The following APOLD1 variants were observed in gnomAD, a reference collection of about 807,000 sequenced individuals.
APOLD1 encodes apolipoprotein L domain-containing protein 1.
In APOLD1, 22 loss-of-function variants were observed where a neutral mutation model predicts 15.3. The observed-to-expected ratio is 1.44, with a 90% confidence interval of 1.03 to 2.05. The LOEUF (loss-of-function observed/expected upper bound fraction) is 2.05, where lower values mean the gene tolerates loss of function less well. APOLD1 is among the 30% of genes most tolerant of loss of function. The pLI is 0.00. For synonymous variants in APOLD1, 190 were observed against 167.4 expected, an observed-to-expected ratio of 1.13 and a Z score of -1.04; for missense variants, 394 against 353.5, an observed-to-expected ratio of 1.11 and a Z score of -0.92.
At chr12:12,776,523 C>G (rs1565436538) in intron 1 of APOLD1, among the ~76,000 whole-genome samples, 1 of 152,142 alleles carries the variant, frequency 6.6e-6, no homozygotes, top group Non-Finnish European at 1.5e-5. Context: ...GTAATAGGGC[C>G]CATGGGGCAA....
At chr12:12,739,643 CTATTT>C (rs1946717034) in intron 1 of APOLD1, among the ~76,000 whole-genome samples, 1 of 151,986 alleles carries the variant, frequency 6.6e-6, no homozygotes, top group Admixed American at 6.6e-5. Flanking sequence ...TGAGTAATGG[CTATTT>C]TTTTCCTAGT....
chr12:12,764,736 CACCTTT>C, intron 1 of APOLD1: 1 of 503,030 alleles, frequency 2.0e-6, no homozygotes, highest in Non-Finnish European at 4.2e-6. Context: ...GCCACTCATA[CACCTTT>C]ATGTGCATCT....
chr12:12,774,920 G>A (rs943391437), intron 1 of APOLD1, among the ~76,000 whole-genome samples: 4 of 152,296 alleles, frequency 2.6e-5, no homozygotes, highest in East Asian at 3.9e-4. Flanking sequence ...ACATACTCTC[G>A]TCATAAGATC....
At position 12,787,774 on chromosome 12, in the gene APOLD1, A is replaced by G; in HGVS notation, c.*122A>G. The G allele has an allele frequency of 6.9e-7, 1 of 1,441,482 alleles. No individual in the cohort carries two copies. The highest frequency in any genetic ancestry group is 9.2e-7 in the Non-Finnish European group (1 of 1,086,342). The allele number at this position is 1,441,482 out of a possible 1,614,324, so 89.3% of individuals were successfully genotyped here. ...GGAGCCGAAGGCAAAGGATGAGAAAAACTGTTTTTGAAGTGGGCAGGTCCC... is the reference window on the plus strand; with the variant it reads ...GGAGCCGAAGGCAAAGGATGAGAAAGACTGTTTTTGAAGTGGGCAGGTCCC... On this transcript the variant is annotated 3_prime_UTR_variant, in exon 2 of 2. Transcript: ENST00000356591. The surrounding 1 kb of genome is among the most constrained non-coding windows in gnomAD (Gnocchi z 4.9).
intron 1 of APOLD1, among the ~76,000 whole-genome samples, chr12:12,775,053 T>C (rs1223190365): frequency 3.3e-5 from 5 of 152,224 alleles, no homozygotes; most frequent in African/African-American, 1.2e-4. Context: ...GCAACCAAGA[T>C]GTTCTTCAGT....
chr12:12,787,601 T>C lies in APOLD1; in HGVS notation c.696T>C (p.Arg232=), dbSNP rs1947143878. Residue 232 remains arginine (R), a synonymous_variant, in exon 2 of 2, where the codon CGT becomes CGC. Coordinates refer to ENST00000356591, the MANE Select transcript of APOLD1 (RefSeq NM_030817.3). The surrounding 1 kb of genome is among the most constrained non-coding windows in gnomAD (Gnocchi z 4.9). ...TTCAGCTCTGCACCAAGTCCAGTCG[T>C]GGCCACGACCTCAAGATCTCTGCTG... is the stretch of plus-strand genomic sequence containing the variant. ...SRVQLCTKSS[R]GHDLKISADQ... The C allele has an allele frequency of 1.9e-6, 3 of 1,610,964 alleles. No homozygotes were observed. The highest frequency in any genetic ancestry group is 1.3e-5 in the African/African-American group (1 of 75,060).
upstream of APOLD1, among the ~76,000 whole-genome samples, chr12:12,781,413 G>A (rs1368042588): frequency 1.3e-5 from 2 of 152,050 alleles, no homozygotes; most frequent in Non-Finnish European, 2.9e-5. Flanking sequence ...CATTGCCTAG[G>A]CAACAAGAGC....
intron 1 of APOLD1, among the ~76,000 whole-genome samples, chr12:12,739,837 GAC>G (rs1415716729): frequency 4.6e-5 from 6 of 129,370 alleles, no homozygotes; most frequent in Admixed American, 1.7e-4. Flanking sequence ...TTTTTTTTGA[GAC>G]AGAGTCTCAC....
chr12:12,783,197 C>T (rs10845629), upstream of APOLD1, among the ~76,000 whole-genome samples: 87,679 of 151,888 alleles, frequency 0.58, 25,825 homozygotes, highest in East Asian at 0.72. Context: ...CAGACTGAGA[C>T]GCCGTCTCAA....
chr12:12,755,824 G>A (rs1368525726), intron 1 of APOLD1, among the ~76,000 whole-genome samples: 7 of 152,262 alleles, frequency 4.6e-5, no homozygotes, highest in African/African-American at 1.7e-4. Context: ...CAGGGCAAAA[G>A]AGTGAGACTC....
chr12:12,726,705 C>G (rs1946595998), intron 1 of APOLD1, among the ~76,000 whole-genome samples: 1 of 152,182 alleles, frequency 6.6e-6, no homozygotes, highest in African/African-American at 2.4e-5. Context: ...TAGTTCTTAA[C>G]TCCCCCAATC....
At chr12:12,779,423 C>T (rs1434734069) in intron 1 of APOLD1, among the ~76,000 whole-genome samples, 2 of 152,108 alleles carry the variant, frequency 1.3e-5, no homozygotes, top group Non-Finnish European at 2.9e-5. Context: ...GAGCTGAAAT[C>T]GAACAAATTA....
intron 1 of APOLD1, among the ~76,000 whole-genome samples, chr12:12,746,354 C>A (rs911413478): frequency 1.3e-5 from 2 of 151,914 alleles, no homozygotes; most frequent in Admixed American, 6.6e-5. Context: ...ACATTAGCTG[C>A]GTGTGGTGGC....
At chr12:12,751,273 A>C (rs190741871) in intron 1 of APOLD1, among the ~76,000 whole-genome samples, 1 of 152,150 alleles carries the variant, frequency 6.6e-6, no homozygotes, top group Admixed American at 6.5e-5. Context: ...GATGTCAGCC[A>C]CACCTCTGGC....
chr12:12,758,187 T>C (rs1225275929), intron 1 of APOLD1, among the ~76,000 whole-genome samples: 1 of 151,012 alleles, frequency 6.6e-6, no homozygotes, highest in African/African-American at 2.4e-5. Flanking sequence ...CTGCCCACCT[T>C]GGCCTCCCAA....
rs533959476 is a variant in APOLD1, at chr12:12,770,298, A to T, written c.97-16611A>T. On this transcript the variant is annotated intron_variant, in intron 1 of 1. Transcript: ENST00000326765. Reference sequence around the variant, plus strand: ...CACATGCCTGTAACCCCAGCTACTCAGGAGGCTGAGGCAAGAGAATCGCTT... The same window carrying T: ...CACATGCCTGTAACCCCAGCTACTCTGGAGGCTGAGGCAAGAGAATCGCTT... 2.0e-5 allele frequency among the ~76,000 whole-genome samples: 3 copies of T among 152,212 alleles called. No homozygotes were observed. In the East Asian group the frequency reaches 5.8e-4, roughly 29 times the overall value.
chr12:12,760,786 A>G (rs192263305), intron 1 of APOLD1, among the ~76,000 whole-genome samples: 76 of 152,352 alleles, frequency 5.0e-4, no homozygotes, highest in African/African-American at 1.8e-3. Context: ...TCATTTACAT[A>G]TAAGGATCTG....
At chr12:12,785,581 T>C (rs1947117286), upstream of APOLD1, 1 of 1,606,352 alleles carries the variant, frequency 6.2e-7, no homozygotes, top group Admixed American at 1.7e-5. Context: ...TGGCAAATTC[T>C]CAGAATGAGA....
At chr12:12,727,735 T>G (rs531385154) in intron 1 of APOLD1, among the ~76,000 whole-genome samples, 10 of 149,992 alleles carry the variant, frequency 6.7e-5, no homozygotes, top group Middle Eastern at 3.5e-3. Flanking sequence ...CCAGAATCAC[T>G]GCAATTACAT....
Sources: gnomAD v4.1 joint callset for allele counts (sites outside exome capture counted in the v4.1 genomes callset) on GRCh38, gnomAD v4.1.1 for gene constraint, Gnocchi (gnomAD v3.1) non-coding constraint, MANE v1.5 for transcripts, NCBI Gene and HGNC (gene_info 2026-07-23, HGNC 2026-07-21) for gene names.